Variants in BEND7 observed in about 807,000 individuals in gnomAD.
BEND7 encodes BEN domain containing 7.
BEND7 carries 28 observed loss-of-function variants against 50.9 expected under a neutral mutation model. That is an observed-to-expected ratio of 0.55 (90% CI 0.41 to 0.75). The LOEUF (loss-of-function observed/expected upper bound fraction) is 0.75. Among genes scored for constraint, BEND7 ranks in the 30% least tolerant of loss-of-function variants. The pLI, the probability that BEND7 is intolerant of heterozygous loss-of-function variation, is 0.00. For synonymous variants in BEND7, 170 were observed against 183.9 expected, an observed-to-expected ratio of 0.92 and a Z score of 0.61; for missense variants, 477 against 491.3, an observed-to-expected ratio of 0.97 and a Z score of 0.28.
chr10:13,517,279 C>T (rs1458089228), intron 2 of BEND7, among the ~76,000 whole-genome samples: 2 of 151,396 alleles, frequency 1.3e-5, no homozygotes, highest in African/African-American at 4.9e-5. Flanking sequence ...GTAAGCATGT[C>T]AATGAGGTGA....
intron 2 of BEND7, among the ~76,000 whole-genome samples, chr10:13,519,014 A>G (rs2078895392): frequency 6.6e-6 from 1 of 152,238 alleles, no homozygotes; most frequent in African/African-American, 2.4e-5. Context: ...CCTGAAAATA[A>G]ACAACCACAT....
intron 6 of BEND7, among the ~76,000 whole-genome samples, chr10:13,456,156 G>A (rs1838913990): frequency 6.6e-6 from 1 of 152,176 alleles, no homozygotes. Context: ...AATCTAGGAA[G>A]GACGTGAATA....
intron 7 of BEND7, among the ~76,000 whole-genome samples, chr10:13,447,530 T>C (rs1468864669): frequency 1.3e-5 from 2 of 149,808 alleles, no homozygotes; most frequent in South Asian, 2.1e-4. Context: ...CTTTCCCGTA[T>C]TAAAACTTTT....
At chr10:13,513,938 AT>A (rs1424492497) in intron 2 of BEND7, among the ~76,000 whole-genome samples, 7 of 152,162 alleles carry the variant, frequency 4.6e-5, no homozygotes, top group Non-Finnish European at 4.4e-5. Flanking sequence ...CCGGGACTCT[AT>A]TCAAGACAAT....
intron 2 of BEND7, 61 bp from the exon 3 acceptor site, chr10:13,500,141 A>T (rs2077335720): frequency 7.6e-7 from 1 of 1,321,120 alleles, no homozygotes. Context: ...CAGTTCACTA[A>T]CCAAAAAGAA....
chr10:13,460,285 C>A (rs983588322), intron 6 of BEND7, among the ~76,000 whole-genome samples: 1 of 152,170 alleles, frequency 6.6e-6, no homozygotes, highest in Admixed American at 6.5e-5. Flanking sequence ...ATGCAGAGTC[C>A]AGGCCTTACA....
intron 2 of BEND7, among the ~76,000 whole-genome samples, chr10:13,523,737 C>A (rs1472883246): frequency 6.6e-6 from 1 of 152,156 alleles, no homozygotes; most frequent in Non-Finnish European, 1.5e-5. Flanking sequence ...ATAACACTGT[C>A]AACAAAAAAT....
At chr10:13,497,110 G>A (rs956031652) in intron 3 of BEND7, among the ~76,000 whole-genome samples, 1 of 152,220 alleles carries the variant, frequency 6.6e-6, no homozygotes, top group African/African-American at 2.4e-5. Flanking sequence ...TGTAACGTGC[G>A]TGCTGTGGCG....
chr10:13,473,562 T>TAGATTC (rs10635572), intron 6 of BEND7, among the ~76,000 whole-genome samples: 3 of 146,936 alleles, frequency 2.0e-5, no homozygotes, highest in African/African-American at 7.6e-5. Flanking sequence ...TCATCACTGT[T>TAGATTC]AGGGCCAATA....
intron 6 of BEND7, among the ~76,000 whole-genome samples, chr10:13,462,971 C>T (rs2073861424): frequency 6.6e-6 from 1 of 152,194 alleles, no homozygotes; most frequent in Non-Finnish European, 1.5e-5. Flanking sequence ...CTAGAGAACA[C>T]TGGAATATCT....
chr10:13,484,462 CTCTT>C (rs1260769698), intron 5 of BEND7, among the ~76,000 whole-genome samples: 32 of 149,530 alleles, frequency 2.1e-4, no homozygotes, highest in South Asian at 1.0e-3. Context: ...CAGGATAAAG[CTCTT>C]TCTTTAATTG....
intron 8 of BEND7, chr10:13,444,563 T>C (rs889136666): frequency 2.6e-5 from 4 of 152,226 alleles, no homozygotes; most frequent in African/African-American, 9.6e-5. Context: ...TGAGAGTCTG[T>C]ATCAGAGCCC....
intron 6 of BEND7, among the ~76,000 whole-genome samples, chr10:13,472,532 C>T (rs1318513389): frequency 3.3e-5 from 5 of 151,876 alleles, no homozygotes; most frequent in Non-Finnish European, 7.4e-5. Context: ...GGCTGGTACC[C>T]GTCATCGCTG....
chr10:13,464,854 T>C (rs2074072901), intron 6 of BEND7, among the ~76,000 whole-genome samples: 1 of 152,220 alleles, frequency 6.6e-6, no homozygotes, highest in East Asian at 1.9e-4. Context: ...CACACTCTTT[T>C]GGGATAAGCA....
intron 6 of BEND7, among the ~76,000 whole-genome samples, chr10:13,460,269 A>T (rs918009164): frequency 6.6e-6 from 1 of 152,172 alleles, no homozygotes; most frequent in Admixed American, 6.5e-5. Context: ...AGGCTCATGG[A>T]GAGGGATGCA....
At chr10:13,473,004 T>C (rs2075041340) in intron 6 of BEND7, among the ~76,000 whole-genome samples, 1 of 152,234 alleles carries the variant, frequency 6.6e-6, no homozygotes, top group South Asian at 2.1e-4. Flanking sequence ...TCGTCATCGC[T>C]GTTACACTCA....
intron 4 of BEND7, 38 bp from the exon 5 acceptor site, chr10:13,492,914 T>G (rs2076770444): frequency 1.3e-6 from 2 of 1,575,412 alleles, no homozygotes; most frequent in Non-Finnish European, 1.7e-6. Context: ...CAGGCACGTG[T>G]GTCTGACTTA....
chr10:13,485,921 G>A (rs2076192905), intron 5 of BEND7, among the ~76,000 whole-genome samples: 2 of 152,102 alleles, frequency 1.3e-5, no homozygotes, highest in South Asian at 4.1e-4. Context: ...TCAACCTGGT[G>A]CCCAAACTGG....
intron 5 of BEND7, among the ~76,000 whole-genome samples, chr10:13,490,491 C>G (rs1225842356): frequency 1.3e-5 from 2 of 152,246 alleles, no homozygotes; most frequent in Non-Finnish European, 2.9e-5. Flanking sequence ...CTGAATGTCT[C>G]TCCATGCTCT....
Sources: gnomAD v4.1 joint callset for allele counts (sites outside exome capture counted in the v4.1 genomes callset) on GRCh38, gnomAD v4.1.1 for gene constraint, MANE v1.5 for transcripts, NCBI Gene and HGNC (gene_info 2026-07-23, HGNC 2026-07-21) for gene names.